GPR179: variants seen among roughly 807,000 people sequenced by gnomAD.
GPR179 encodes the protein probable G protein-coupled receptor 179.
A neutral mutation model predicts 70.8 loss-of-function variants in GPR179; 52 were observed. The ratio of observed to expected loss-of-function variants is 0.73; its 90% CI spans 0.59 to 0.93. The LOEUF is 0.93. Among genes scored for constraint, GPR179 ranks in the 40% least tolerant of loss-of-function variants. The pLI is 0.00. For missense variants in GPR179, 2,734 were observed against 2,966.8 expected, an observed-to-expected ratio of 0.92 and a Z score of 1.82; for synonymous variants, 1,123 against 1,169.0, an observed-to-expected ratio of 0.96 and a Z score of 0.80.
rs777330448 is a variant in GPR179, at chr17:38,333,433, C to T, written c.1891-36G>A. The T allele has an allele frequency of 2.5e-6, 4 of 1,599,012 alleles. No homozygotes were observed. The South Asian group carries it at 3.4e-5, about 13-fold the overall frequency. On this transcript the variant is annotated intron_variant, in intron 9 of 10. Transcript: ENST00000616987. ...TGCATAAGAGTGGGAAAAAGACTCG[C>T]CCTGGCTCCTTGTCCACTCCTGCAC...
Position 38,329,574 on chromosome 17 carries a change from G to A in GPR179, c.3995C>T (p.Ser1332Phe). 3 of 1,613,826 alleles carry A rather than the reference G, an allele frequency of 1.9e-6. No homozygotes were observed. The highest frequency in any genetic ancestry group is 2.5e-6 in the Non-Finnish European group (3 of 1,179,972). ...PWESADRGGL[S>F]PGSAPQDPGR... ...AGGGTCCTGAGGAGCTGACCCAGGG[G>A]ACAGACCTCCTCGATCGGCACTCTC... Residue 1332 changes from serine (S) to phenylalanine (F), a missense_variant, in exon 11 of 11, where the codon TCC (serine) becomes TTC (phenylalanine). Physicochemically the swap from Ser to Phe is radical, Grantham distance 155 (BLOSUM62 -2). Transcript: ENST00000616987.
chr17:38,328,148 C>T lies in GPR179; in HGVS notation c.5421G>A (p.Gln1807=). 6.2e-7 allele frequency: 1 copy of T among 1,613,256 alleles called. No homozygotes were observed. Among genetic ancestry groups the T allele is most frequent in the Non-Finnish European group, 8.5e-7 (1 of 1,179,808 alleles). Residue 1807 remains glutamine (Q), a synonymous_variant, in exon 11 of 11, where the codon CAG becomes CAA. Coordinates refer to ENST00000616987, the MANE Select transcript of GPR179 (RefSeq NM_001004334.4). ...TGGCTTTTTCACTGGTAGCAGCTTC[C>T]TGTGCTTCCCAGGGACACACTTCAC... ...RPGEVCPWEA[Q]EAATSEKAKI...
chr17:38,334,876 C>A lies in GPR179; in HGVS notation c.1646-34G>T. 1 of 1,607,758 alleles carries A rather than the reference C, an allele frequency of 6.2e-7. No homozygotes were observed. The highest frequency in any genetic ancestry group is 8.5e-7 in the Non-Finnish European group (1 of 1,177,720). On this transcript the variant is annotated intron_variant, in intron 7 of 10. Transcript: ENST00000616987. This position sits in a 1 kb window ranked among gnomAD's most constrained non-coding sequence, Gnocchi z 4.7. ...AGACAGGGAGGGAGAGAGCCGGCAC[C>A]ACCTCAGCAGCTGTCCCACCCCTTT...
In GPR179 at chr17:38,328,268, C is replaced by T; in HGVS notation, c.5301G>A (p.Val1767=). 1 of 1,613,888 alleles carries T rather than the reference C, an allele frequency of 6.2e-7. No individual in the cohort carries two copies. Among genetic ancestry groups the T allele is most frequent in the Non-Finnish European group, 8.5e-7 (1 of 1,180,032 alleles). Residue 1767 remains valine, a synonymous_variant, in exon 11 of 11, where the codon GTG becomes GTA. Coordinates refer to ENST00000616987, the MANE Select transcript of GPR179 (RefSeq NM_001004334.4). ...GATGCTGAGAACAGGCCCCTGGACC[C>T]ACACTCCCCCAGGGACAAGCCACCT... ...EWEVACPWGS[V]GPGACSQHPG...
chr17:38,334,958 A>G lies in GPR179; in HGVS notation c.1645+75T>C. On this transcript the variant is annotated intron_variant, in intron 7 of 10. Coordinates refer to ENST00000616987, the MANE Select transcript of GPR179 (RefSeq NM_001004334.4). This position sits in a 1 kb window ranked among gnomAD's most constrained non-coding sequence, Gnocchi z 4.7. ...TCGGGGTCTGGGGACAAGTCAGGAG[A>G]ACCAGAACAAGAGGAACCCTGGAGG... 6.3e-7 allele frequency: 1 copy of G among 1,585,480 alleles called. No homozygotes were observed. Among genetic ancestry groups the G allele is most frequent in the South Asian group, 1.1e-5 (1 of 88,942 alleles).
At position 38,327,922 on chromosome 17, in the gene GPR179, C is replaced by T; in HGVS notation, c.5647G>A (p.Glu1883Lys). ...ICIWENKDLR[E>K]SPAQAPKISD... ...ATCTTGGGGGCCTGAGCAGGGGATT[C>T]CCTCAAGTCCTTGTTCTCCCAAATA... The change falls in exon 11 of 11, where the codon GAA becomes AAA. Residue 1883 changes from glutamate (E) to lysine (K), a missense_variant. Coordinates refer to ENST00000616987, the MANE Select transcript of GPR179 (RefSeq NM_001004334.4). 1.2e-6 allele frequency: 2 copies of T among 1,614,198 alleles called. No individual in the cohort carries two copies. The highest frequency in any genetic ancestry group is 1.7e-6 in the Non-Finnish European group (2 of 1,180,036).
chr17:38,328,716 T>G lies in GPR179; in HGVS notation c.4853A>C (p.Lys1618Thr), dbSNP rs758822804. 6.2e-7 allele frequency: 1 copy of G among 1,614,030 alleles called. No homozygotes were observed. The highest frequency in any genetic ancestry group is 2.2e-5 in the East Asian group (1 of 44,876). ...TTTTCCAGGCATTTTCTCCTTGTCC[T>G]TTTGAGATTCTCCTCCTCTTGGCAC... is the stretch of plus-strand genomic sequence containing the variant. ...AQVPRGGESQ[K>T]DKEKMPGKSE... The change falls in exon 11 of 11, where the codon AAG (lysine) becomes ACG (threonine). Residue 1618 changes from lysine to threonine, a missense_variant. By Grantham distance (78) the Lys-to-Thr change is moderately conservative. Coordinates refer to ENST00000616987, the MANE Select transcript of GPR179 (RefSeq NM_001004334.4).
chr17:38,339,395 C>T (rs762315087), intron 2 of GPR179, 22 bp downstream of exon 2: 7 of 1,490,298 alleles, frequency 4.7e-6, no homozygotes, highest in South Asian at 1.1e-5. Context: ...CTAGTAGCGC[C>T]CCCCATCCTC....
chr17:38,329,822 A>G lies in GPR179; in HGVS notation c.3747T>C (p.Thr1249=). 1 of 1,614,082 alleles carries G rather than the reference A, an allele frequency of 6.2e-7. No homozygotes were observed. Among genetic ancestry groups the G allele is most frequent in the Non-Finnish European group, 8.5e-7 (1 of 1,180,008 alleles). Residue 1249 remains threonine, a synonymous_variant, in exon 11 of 11, where the codon ACT becomes ACC. Transcript: ENST00000616987. ...TGTCTGGCTGACGCGTTTCTGATTC[A>G]GTGACCTCCCAGGGGCATACCTCTG... The part of the protein sequence containing the change: ...RVAEVCPWEV[T]ESETRQPDSG...
At chr17:38,338,986 A>G (rs1399901978) in intron 2 of GPR179, among the ~76,000 whole-genome samples, 1 of 152,188 alleles carries the variant, frequency 6.6e-6, no homozygotes, top group Non-Finnish European at 1.5e-5. Context: ...TTTCAGCAAT[A>G]TGGAACACCC....
Position 38,326,828 on chromosome 17 carries a change from A to G in GPR179, c.6741T>C (p.Thr2247=). Residue 2247 remains threonine (T), a synonymous_variant, in exon 11 of 11, where the codon ACT becomes ACC. Transcript: ENST00000616987. ...TMADICPGEE[T]GVPSEESGLL... is the part of the protein sequence containing the mutation. ...GGCCAGATTCCTCAGATGGGACTCC[A>G]GTTTCCTCCCCAGGACAGATGTCTG... The G allele has an allele frequency of 6.2e-7, 1 of 1,614,202 alleles. No individual in the cohort carries two copies. Among genetic ancestry groups the G allele is most frequent in the Non-Finnish European group, 8.5e-7 (1 of 1,180,010 alleles).
At position 38,330,334 on chromosome 17, in the gene GPR179, CAG is replaced by C. The variant is rs763577898; in HGVS notation, c.3233_3234del (p.Pro1078ArgfsTer14). 5.6e-6 allele frequency: 9 copies of C among 1,614,018 alleles called. No homozygotes were observed. The highest frequency in any genetic ancestry group is 1.7e-4 in the Middle Eastern group (1 of 6,058). On this transcript the variant is annotated frameshift_variant, in exon 11 of 11. Transcript: ENST00000616987. LOFTEE classifies it low-confidence loss of function (END_TRUNC). ...IFPKSHSLKA[P>X]VQQGSMRSLG... is the part of the protein sequence containing the mutation. ...AGGCTGCGCATGGAACCCTGCTGAA[CAG>C]GGGCCTTGAGGCTGTGGGATTTAGG...
chr17:38,330,238 G>A lies in GPR179; in HGVS notation c.3331C>T (p.Pro1111Ser). 1.3e-6 allele frequency: 2 copies of A among 1,581,616 alleles called. No homozygotes were observed. The highest frequency in any genetic ancestry group is 1.7e-6 in the Non-Finnish European group (2 of 1,161,728). ...YREKESVEESPEGQNSGTAGE... is the reference protein window; with the variant it reads ...YREKESVEESSEGQNSGTAGE... ...GCAGTCCCGCTGTTCTGCCCCTCGG[G>A]ACTCTCCTCCACACTCTCCTTCTCT... The change falls in exon 11 of 11, where the codon CCC (proline) becomes TCC (serine). Residue 1111 changes from proline to serine, a missense_variant. Coordinates refer to ENST00000616987, the MANE Select transcript of GPR179 (RefSeq NM_001004334.4).
At position 38,335,666 on chromosome 17, in the gene GPR179, C is replaced by T. The variant is rs761172454; in HGVS notation, c.1331G>A (p.Arg444His). 5.6e-6 allele frequency: 9 copies of T among 1,613,990 alleles called. No homozygotes were observed. Among genetic ancestry groups the T allele is most frequent in the East Asian group, 2.2e-5 (1 of 44,886 alleles). Reference sequence around the variant, plus strand: ...CCGCACCCAGCGAAGAGCGATGCAGCGGAATACACTGGGCTTGAAGTATAG... The same window carrying T: ...CCGCACCCAGCGAAGAGCGATGCAGTGGAATACACTGGGCTTGAAGTATAG... ...FILYFKPSVF[R>H]CIALRWVRLL... The change falls in exon 6 of 11, where the codon CGC becomes CAC. Residue 444 changes from arginine (R) to histidine (H), a missense_variant. Arg to His is a conservative substitution (Grantham distance 29). Coordinates refer to ENST00000616987, the MANE Select transcript of GPR179 (RefSeq NM_001004334.4).
rs368802510 is a variant in GPR179, at chr17:38,330,702, G to T, written c.2867C>A (p.Pro956His). 1.9e-6 allele frequency: 3 copies of T among 1,597,480 alleles called. No homozygotes were observed. The African/African-American group carries it at 4.0e-5, about 21-fold the overall frequency. The change falls in exon 11 of 11, where the codon CCC becomes CAC. Residue 956 changes from proline (P) to histidine (H), a missense_variant. By Grantham distance (77) the Pro-to-His change is moderately conservative. Coordinates refer to ENST00000616987, the MANE Select transcript of GPR179 (RefSeq NM_001004334.4). ...CAGAGCTGGAGCCAAGGTGGAGGTG[G>T]GAGATAGCATCCTTGGCTCTCCCAG... is the stretch of plus-strand genomic sequence containing the variant. ...GGLGEPRMLSPTSTLAPALLP... is the reference protein window; with the variant it reads ...GGLGEPRMLSHTSTLAPALLP...
rs776157129 is a variant in GPR179 at position 38,329,860 on chromosome 17, C to T, written c.3709G>A (p.Asp1237Asn). ...KAGLQSLGSA[D>N]HRVAEVCPWE... ...GGGCATACCTCTGCCACCCTGTGGT[C>T]AGCGCTGCCCAGGGACTGGAGGCCA... The change falls in exon 11 of 11, where the codon GAC becomes AAC. Residue 1237 changes from aspartate (D) to asparagine (N), a missense_variant. By Grantham distance (23) the Asp-to-Asn change is conservative. Transcript: ENST00000616987. 4 of 1,614,036 alleles carry T rather than the reference C, an allele frequency of 2.5e-6. No homozygotes were observed. The highest frequency in any genetic ancestry group is 1.3e-5 in the African/African-American group (1 of 74,936).
intron 1 of GPR179, 37 bp from the exon 2 acceptor site, chr17:38,339,562 T>C: frequency 6.9e-7 from 1 of 1,449,462 alleles, no homozygotes; most frequent in South Asian, 1.1e-5. Flanking sequence ...GCACAGTGAT[T>C]GATGCCAAAG....
intron 4 of GPR179, 22 bp from the exon 5 acceptor site, chr17:38,336,166 AT>A: frequency 6.4e-7 from 1 of 1,553,486 alleles, no homozygotes; most frequent in Non-Finnish European, 8.9e-7. Flanking sequence ...GGAGAGAGGC[AT>A]GTGAGCAGAG....
Position 38,343,939 on chromosome 17 carries a change from G to C in GPR179, c.-150C>G. 1.5e-6 allele frequency: 1 copy of C among 648,586 alleles called. No homozygotes were observed. The allele number at this position is 648,586 out of a possible 1,614,324, so 40.2% of individuals were successfully genotyped here. On this transcript the variant is annotated 5_prime_UTR_variant, in exon 1 of 11. Coordinates refer to ENST00000616987, the MANE Select transcript of GPR179 (RefSeq NM_001004334.4). This position sits in a 1 kb window ranked among gnomAD's most constrained non-coding sequence, Gnocchi z 4.2. ...CTCCCTCTCACGCTGGTGCCAGCTC[G>C]CCTGCTTTTTTCTTCTCTCTAACGT... is the stretch of plus-strand genomic sequence containing the variant.
Sources: gnomAD v4.1 joint callset for allele counts (sites outside exome capture counted in the v4.1 genomes callset) on GRCh38, gnomAD v4.1.1 for gene constraint, Gnocchi (gnomAD v3.1) non-coding constraint, MANE v1.5 for transcripts, NCBI Gene and HGNC (gene_info 2026-07-23, HGNC 2026-07-21) for gene names.